The following KIF5A variants were observed in gnomAD, a reference collection of about 807,000 sequenced individuals.
KIF5A encodes the protein kinesin heavy chain isoform 5A.
A neutral mutation model predicts 141.3 loss-of-function variants in KIF5A; 35 were observed. The observed-to-expected ratio is 0.25, with a 90% CI of 0.19 to 0.33. KIF5A has a LOEUF of 0.33. Ranked by LOEUF, KIF5A falls within the 10% of genes least tolerant of loss-of-function variation. KIF5A has a pLI of 1.00. For missense variants in KIF5A, 861 were observed against 1,314.3 expected (o/e 0.66, Z 5.33); for synonymous variants, 448 against 500.2 (o/e 0.90, Z 1.39).
Position 57,559,160 on chromosome 12 carries a change from A to G in KIF5A, c.130-4279A>G, listed in dbSNP as rs71461328. ...TTAAGGGTTGTTCTAATCATCTGCT[A>G]TTACAAACAGTTGAATGACCTTGTA... On this transcript the variant is annotated intron_variant, in intron 1 of 28. Transcript: ENST00000455537. Among the ~76,000 whole-genome samples the G allele has an allele frequency of 4.9e-3, 743 of 152,360 alleles. 4 individuals carry two copies. Among genetic ancestry groups the G allele is most frequent in the Non-Finnish European group, 6.9e-3 (471 of 68,030 alleles).
intron 7 of KIF5A, 128 bp downstream of exon 7, chr12:57,567,341 TG>T: frequency 9.2e-7 from 1 of 1,086,124 alleles, no homozygotes; most frequent in Non-Finnish European, 1.3e-6. Flanking sequence ...CCCTTGTCTG[TG>T]GGACCCTGCT....
chr12:57,572,700 AT>A lies in KIF5A; in HGVS notation c.1692del (p.Ile564MetfsTer58). The A allele has an allele frequency of 6.2e-7, 1 of 1,614,230 alleles. No homozygotes were observed. The highest frequency in any genetic ancestry group is 8.5e-7 in the Non-Finnish European group (1 of 1,180,024). ...LMKDLSEFSVIVGNGEIKLPV... is the reference protein window; with the variant it reads ...LMKDLSEFSVXVGNGEIKLPV... ...GAAGGATCTGAGCGAGTTCAGTGTC[AT>A]TGTGGGCAACGGGGAGATTAAGCTG... On this transcript the variant is annotated frameshift_variant, in exon 15 of 29. Coordinates refer to ENST00000455537, the MANE Select transcript of KIF5A (RefSeq NM_004984.4). LOFTEE classifies it high-confidence loss of function. This position sits in a 1 kb window ranked among gnomAD's most constrained non-coding sequence, Gnocchi z 4.2.
intron 1 of KIF5A, among the ~76,000 whole-genome samples, chr12:57,562,258 C>A (rs746058274): frequency 2.0e-5 from 3 of 152,224 alleles, no homozygotes; most frequent in African/African-American, 7.2e-5. Context: ...TCTTGTCCCC[C>A]AGGCTGGAGT....
intron 1 of KIF5A, among the ~76,000 whole-genome samples, chr12:57,553,487 G>T (rs983303719): frequency 1.1e-4 from 16 of 152,104 alleles, no homozygotes; most frequent in African/African-American, 3.9e-4. Flanking sequence ...TGCTTTGGGG[G>T]AGTCTCATAA....
chr12:57,580,828 C>A, intron 23 of KIF5A, 128 bp from the exon 24 acceptor site: 2 of 807,416 alleles, frequency 2.5e-6, no homozygotes, highest in Non-Finnish European at 4.2e-6. Flanking sequence ...ATGACATGGT[C>A]TCCATCTTCT....
intron 1 of KIF5A, among the ~76,000 whole-genome samples, chr12:57,553,953 G>A (rs1448967244): frequency 6.6e-6 from 1 of 152,168 alleles, no homozygotes. Flanking sequence ...AACTCACAGA[G>A]TCTTCGATTA....
chr12:57,550,115 G>C lies in KIF5A; in HGVS notation c.-157G>C. 2.0e-6 allele frequency: 2 copies of C among 977,976 alleles called. No individual in the cohort carries two copies. The allele number at this position is 977,976 out of a possible 1,614,324, so 60.6% of individuals were successfully genotyped here. On this transcript the variant is annotated 5_prime_UTR_variant, in exon 1 of 29. Coordinates refer to ENST00000455537, the MANE Select transcript of KIF5A (RefSeq NM_004984.4). The surrounding 1 kb of genome is among the most constrained non-coding windows in gnomAD (Gnocchi z 4.6). ...CCGCAGGAGAGAGACAGCGCGCCCC[G>C]GCCCTGCTCCCCAGGCTTCGCCCGG...
intron 5 of KIF5A, 65 bp from the exon 6 acceptor site, chr12:57,564,853 C>A: frequency 6.8e-7 from 1 of 1,461,794 alleles, no homozygotes; most frequent in Non-Finnish European, 9.6e-7. Context: ...TCTGAGCTGA[C>A]TGCAAGGTGC....
chr12:57,562,562 C>A (rs1444980409), intron 1 of KIF5A, among the ~76,000 whole-genome samples: 1 of 152,156 alleles, frequency 6.6e-6, no homozygotes, highest in African/African-American at 2.4e-5. Context: ...AAAGGGAGAC[C>A]CACATATCTG....
At position 57,572,710 on chromosome 12, in the gene KIF5A, A is replaced by G; in HGVS notation, c.1700A>G (p.Asn567Ser). ...DLSEFSVIVGNGEIKLPVEIS... is the reference protein window; with the variant it reads ...DLSEFSVIVGSGEIKLPVEIS... ...AGCGAGTTCAGTGTCATTGTGGGCA[A>G]CGGGGAGATTAAGCTGGTGAGTGGT... Residue 567 changes from asparagine to serine, a missense_variant, in exon 15 of 29, where the codon AAC becomes AGC. Transcript: ENST00000455537. This position sits in a 1 kb window ranked among gnomAD's most constrained non-coding sequence, Gnocchi z 4.2. The G allele has an allele frequency of 1.2e-6, 2 of 1,614,208 alleles. No homozygotes were observed. The highest frequency in any genetic ancestry group is 1.7e-6 in the Non-Finnish European group (2 of 1,180,026).
At chr12:57,558,499 C>T (rs570948491) in intron 1 of KIF5A, among the ~76,000 whole-genome samples, 2 of 152,330 alleles carry the variant, frequency 1.3e-5, no homozygotes, top group Admixed American at 1.3e-4. Flanking sequence ...CATGGCCAAA[C>T]CCCATCTCTA....
chr12:57,570,179 A>AGG lies in KIF5A; in HGVS notation c.1293+19_1293+20dup. ...GACGACAAGGTGAGGGCGGCCAGGC[A>AGG]GGGCACTGAGGCACGCCAGGTGGGA... is the stretch of plus-strand genomic sequence containing the variant. On this transcript the variant is annotated intron_variant, in intron 12 of 28. Transcript: ENST00000455537. 1.2e-6 allele frequency: 2 copies of AGG among 1,611,880 alleles called. No homozygotes were observed. The highest frequency in any genetic ancestry group is 1.7e-6 in the Non-Finnish European group (2 of 1,179,138).
chr12:57,575,244 T>G lies in KIF5A; in HGVS notation c.1877T>G (p.Leu626Arg). Residue 626 changes from leucine to arginine, a missense_variant, in exon 16 of 29, where the codon CTC (leucine) becomes CGC (arginine). By Grantham distance (102) the Leu-to-Arg change is moderately radical. This residue lies in a region of KIF5A where 482 missense variants were observed against 661.3 expected (regional missense o/e 0.73). Coordinates refer to ENST00000455537, the MANE Select transcript of KIF5A (RefSeq NM_004984.4). The part of the protein sequence containing the change: ...HRKMEVTGRE[L>R]SSCQLLISQH... ...AAGATGGAAGTGACCGGGCGGGAGC[T>G]CTCATCCTGCCAGCTCCTCATCTCT... The G allele has an allele frequency of 6.2e-7, 1 of 1,613,598 alleles. No individual in the cohort carries two copies. Among genetic ancestry groups the G allele is most frequent in the Non-Finnish European group, 8.5e-7 (1 of 1,179,866 alleles).
In KIF5A at chr12:57,575,066, C is replaced by T. The variant is rs1882379859; in HGVS notation, c.1717-18C>T. On this transcript the variant is annotated intron_variant, in intron 15 of 28. Transcript: ENST00000455537. ...CCCAGCAGCCAAGAAGCATCTCTTCCTCCTTTAATCACCTTAGCCAGTGGA... is the reference window on the plus strand; with the variant it reads ...CCCAGCAGCCAAGAAGCATCTCTTCTTCCTTTAATCACCTTAGCCAGTGGA... 1.9e-6 allele frequency: 3 copies of T among 1,613,416 alleles called. No homozygotes were observed. Among genetic ancestry groups the T allele is most frequent in the African/African-American group, 1.3e-5 (1 of 74,908 alleles).
chr12:57,569,158 A>G, intron 9 of KIF5A, 91 bp downstream of exon 9: 1 of 1,566,398 alleles, frequency 6.4e-7, no homozygotes, highest in South Asian at 1.1e-5. Flanking sequence ...GCCCCAATTC[A>G]TGGGTTGTCT....
chr12:57,567,949 C>T (rs992633158), intron 8 of KIF5A, among the ~76,000 whole-genome samples: 2 of 150,566 alleles, frequency 1.3e-5, no homozygotes, highest in Admixed American at 1.3e-4. Flanking sequence ...GTGGCACGCT[C>T]TCAGCTCACT....
At chr12:57,562,950 A>G (rs904533930) in intron 1 of KIF5A, among the ~76,000 whole-genome samples, 2 of 152,004 alleles carry the variant, frequency 1.3e-5, no homozygotes, top group Admixed American at 6.6e-5. Flanking sequence ...CCCCACAGAC[A>G]CAACTCCTGG....
At chr12:57,573,452 G>A (rs1882317602) in intron 15 of KIF5A, among the ~76,000 whole-genome samples, 1 of 151,614 alleles carries the variant, frequency 6.6e-6, no homozygotes, top group Non-Finnish European at 1.5e-5. Context: ...AATCACCTGA[G>A]TATGGGAGGT....
intron 8 of KIF5A, 142 bp downstream of exon 8, chr12:57,567,760 A>G: frequency 1.2e-6 from 1 of 860,906 alleles, no homozygotes. Context: ...TCCTGGGTTT[A>G]AGTGATTCTC....
Sources: allele counts gnomAD v4.1 joint callset (sites outside exome capture counted in the v4.1 genomes callset), GRCh38; gene constraint gnomAD v4.1.1; regional missense constraint gnomAD v4.1.1; non-coding constraint Gnocchi (gnomAD v3.1); transcripts MANE v1.5; gene names NCBI Gene and HGNC (gene_info 2026-07-23, HGNC 2026-07-21).